DTX1: variants seen among roughly 807,000 people sequenced by gnomAD.
DTX1 encodes the protein E3 ubiquitin-protein ligase DTX1.
In DTX1, 26 loss-of-function variants were observed where a neutral mutation model predicts 57.8. The ratio of observed to expected loss-of-function variants is 0.45; its 90% CI spans 0.33 to 0.62. DTX1 has a LOEUF of 0.62. DTX1 is among the 20% of genes least tolerant of loss of function. DTX1 has a pLI of 0.02. For missense variants in DTX1, 704 were observed against 895.3 expected (o/e 0.79, Z 2.73); for synonymous variants, 398 against 394.1 (o/e 1.01, Z -0.12).
intron 2 of DTX1, among the ~76,000 whole-genome samples, chr12:113,073,256 G>A (rs2044749205): frequency 6.6e-6 from 1 of 152,124 alleles, no homozygotes; most frequent in African/African-American, 2.4e-5. Flanking sequence ...TGCAGGTGGG[G>A]AAACTGAGGC....
intron 3 of DTX1, among the ~76,000 whole-genome samples, chr12:113,081,541 G>C (rs896130671): frequency 3.9e-5 from 6 of 152,136 alleles, no homozygotes; most frequent in Non-Finnish European, 5.9e-5. Flanking sequence ...AAATGAAGAC[G>C]ATCTCTGGAG....
intron 3 of DTX1, among the ~76,000 whole-genome samples, chr12:113,083,724 G>A (rs1168502736): frequency 6.6e-6 from 1 of 152,126 alleles, no homozygotes; most frequent in African/African-American, 2.4e-5. Context: ...ATATCTCTTT[G>A]TAGCTCTGTG....
At chr12:113,074,254 A>G (rs1458702801) in intron 2 of DTX1, among the ~76,000 whole-genome samples, 1 of 152,182 alleles carries the variant, frequency 6.6e-6, no homozygotes, top group Non-Finnish European at 1.5e-5. Flanking sequence ...CAGTCAGGTA[A>G]TGCCAAGTGC....
At chr12:113,090,722 G>A (rs1187325945) in intron 3 of DTX1, among the ~76,000 whole-genome samples, 1 of 152,210 alleles carries the variant, frequency 6.6e-6, no homozygotes, top group Non-Finnish European at 1.5e-5. Flanking sequence ...TCTGGGATGG[G>A]AGTCCTGGCC....
At position 113,057,940 on chromosome 12, in the gene DTX1, A is replaced by T; in HGVS notation, c.-253A>T. ...AGAGCTGTTTCCTCCGGCATAAGAG[A>T]GACACTTGCTTTCCAGGGCAGCACC... On this transcript the variant is annotated 5_prime_UTR_variant, in exon 2 of 10. Transcript: ENST00000548759. 1 of 574,698 alleles carries T rather than the reference A, an allele frequency of 1.7e-6. No individual in the cohort carries two copies. The highest frequency in any genetic ancestry group is 2.9e-6 in the Non-Finnish European group (1 of 339,478). 35.6% of individuals were successfully genotyped at this position (574,698 alleles called of 1,614,324 possible). A position where few individuals can be genotyped will look rare whatever the true frequency, so the allele number is the denominator to read the frequency against.
chr12:113,092,100 G>T (rs1950252345), intron 3 of DTX1, among the ~76,000 whole-genome samples: 2 of 152,194 alleles, frequency 1.3e-5, no homozygotes, highest in African/African-American at 4.8e-5. Context: ...GAAGTTAAGT[G>T]ACTTGTTCAA....
At chr12:113,061,373 A>T (rs1592840626) in intron 2 of DTX1, among the ~76,000 whole-genome samples, 2 of 152,174 alleles carry the variant, frequency 1.3e-5, no homozygotes. Flanking sequence ...TCCTCACCAG[A>T]TATGTGAGGG....
In DTX1 at chr12:113,056,908, C is replaced by G. The variant is rs532063887; in HGVS notation, c.-781C>G. On this transcript the variant is annotated 5_prime_UTR_variant, in exon 1 of 10. Coordinates refer to ENST00000548759, the MANE Select transcript of DTX1 (RefSeq NM_004416.3). Reference sequence around the variant, plus strand: ...AGCCCAGGAGGCGGCGGTGCTGGAGCGCGAGCCGGAGCCGGAGCCGGAGAC... The same window carrying G: ...AGCCCAGGAGGCGGCGGTGCTGGAGGGCGAGCCGGAGCCGGAGCCGGAGAC... 6.5e-6 allele frequency: 1 copy of G among 152,870 alleles called. No homozygotes were observed. Among genetic ancestry groups the G allele is most frequent in the African/African-American group, 2.4e-5 (1 of 41,554 alleles). 9.5% of individuals were successfully genotyped at this position (152,870 alleles called of 1,614,324 possible). A position where few individuals can be genotyped will look rare whatever the true frequency, so the allele number is the denominator to read the frequency against.
chr12:113,077,371 C>A lies in DTX1; in HGVS notation c.260-53C>A. ...GCCTGGCTGTGGCCCGCCCTTCCAG[C>A]CGCGCAGACCAACGCCCGCTGTGCT... On this transcript the variant is annotated intron_variant, in intron 2 of 9. Transcript: ENST00000548759. This position sits in a 1 kb window ranked among gnomAD's most constrained non-coding sequence, Gnocchi z 7.8. The A allele has an allele frequency of 6.5e-7, 1 of 1,535,590 alleles. No individual in the cohort carries two copies. The highest frequency in any genetic ancestry group is 2.3e-5 in the East Asian group (1 of 44,180).
At chr12:113,069,087 C>T (rs963164974) in intron 2 of DTX1, among the ~76,000 whole-genome samples, 1 of 152,160 alleles carries the variant, frequency 6.6e-6, no homozygotes, top group Admixed American at 6.5e-5. Context: ...TTGACTTACA[C>T]GAAGCATTTA....
At chr12:113,067,687 T>A (rs1218868181) in intron 2 of DTX1, among the ~76,000 whole-genome samples, 3 of 152,210 alleles carry the variant, frequency 2.0e-5, no homozygotes, top group African/African-American at 7.2e-5. Context: ...GGCCCCACCC[T>A]TGGATATCTG....
chr12:113,063,797 G>A (rs1444527462), intron 2 of DTX1, among the ~76,000 whole-genome samples: 1 of 152,200 alleles, frequency 6.6e-6, no homozygotes, highest in African/African-American at 2.4e-5. Flanking sequence ...GGACACTTAG[G>A]CTGGAGACCC....
At chr12:113,059,626 G>A (rs1027249204) in intron 2 of DTX1, among the ~76,000 whole-genome samples, 8 of 152,172 alleles carry the variant, frequency 5.3e-5, no homozygotes, top group South Asian at 2.1e-4. Flanking sequence ...GGGTCCTGCC[G>A]TGCAGAAGCA....
chr12:113,058,153 T>G lies in DTX1; in HGVS notation c.-40T>G, dbSNP rs2044641712. ...TGCCAGGCCCAGGAGGAGCTGGGCCTGCAATAGTGGGGGACCTGGCCCCTG... is the reference window on the plus strand; with the variant it reads ...TGCCAGGCCCAGGAGGAGCTGGGCCGGCAATAGTGGGGGACCTGGCCCCTG... On this transcript the variant is annotated 5_prime_UTR_variant, in exon 2 of 10. Coordinates refer to ENST00000548759, the MANE Select transcript of DTX1 (RefSeq NM_004416.3). 7 of 1,550,618 alleles carry G rather than the reference T, an allele frequency of 4.5e-6. No individual in the cohort carries two copies. The highest frequency in any genetic ancestry group is 5.2e-6 in the Non-Finnish European group (6 of 1,147,872).
At position 113,058,309 on chromosome 12, in the gene DTX1, CT is replaced by C; in HGVS notation, c.118del (p.Tyr40ThrfsTer13). On this transcript the variant is annotated frameshift_variant, in exon 2 of 10. Coordinates refer to ENST00000548759, the MANE Select transcript of DTX1 (RefSeq NM_004416.3). LOFTEE classifies it high-confidence loss of function. ...TGAATGAGCACAGCCGCTGGCGGCCCTACACGGCCACCGTGTGCCACCACAT... is the reference window on the plus strand; with the variant it reads ...TGAATGAGCACAGCCGCTGGCGGCCCACACGGCCACCGTGTGCCACCACAT... ...WLNEHSRWRP[Y>X]TATVCHHIEN... is the part of the protein sequence containing the mutation. 6.2e-7 allele frequency: 1 copy of C among 1,613,716 alleles called. No homozygotes were observed. The highest frequency in any genetic ancestry group is 1.3e-5 in the African/African-American group (1 of 75,054).
chr12:113,096,627 G>A, intron 9 of DTX1, 88 bp from the exon 10 acceptor site: 8 of 1,280,490 alleles, frequency 6.2e-6, no homozygotes, highest in Non-Finnish European at 8.6e-6. Flanking sequence ...TAGCCATGAT[G>A]TGGCAGGGGA....
chr12:113,089,182 C>T (rs1474035708), intron 3 of DTX1, among the ~76,000 whole-genome samples: 1 of 151,942 alleles, frequency 6.6e-6, no homozygotes, highest in Non-Finnish European at 1.5e-5. Context: ...GCCTGGCATG[C>T]TTGAGAAAGA....
intron 3 of DTX1, chr12:113,089,742 A>G (rs1003762284): frequency 1.3e-5 from 2 of 152,260 alleles, no homozygotes; most frequent in African/African-American, 4.8e-5. Context: ...TAACAGTCCC[A>G]CAGTGACACC....
At chr12:113,075,213 G>C (rs987396359) in intron 2 of DTX1, among the ~76,000 whole-genome samples, 3 of 152,228 alleles carry the variant, frequency 2.0e-5, no homozygotes, top group African/African-American at 7.2e-5. Flanking sequence ...GAGATGCTGA[G>C]TTGCCTACGC....
Sources: allele counts gnomAD v4.1 joint callset (sites outside exome capture counted in the v4.1 genomes callset), GRCh38; gene constraint gnomAD v4.1.1; non-coding constraint Gnocchi (gnomAD v3.1); transcripts MANE v1.5; gene names NCBI Gene and HGNC (gene_info 2026-07-23, HGNC 2026-07-21).